The following BLM variants were observed in gnomAD, a reference collection of about 807,000 sequenced individuals.
BLM encodes the protein BLM RecQ like helicase.
A neutral mutation model predicts 135.3 loss-of-function variants in BLM; 95 were observed. That is an observed-to-expected ratio of 0.70 (90% CI 0.59 to 0.83). The LOEUF (loss-of-function observed/expected upper bound fraction) is 0.83. Among genes scored for constraint, BLM ranks in the 40% least tolerant of loss-of-function variants. BLM has a pLI of 0.00. For synonymous variants in BLM, 520 were observed against 589.2 expected (o/e 0.88, Z 1.70); for missense variants, 1,518 against 1,663.9 (o/e 0.91, Z 1.53).
At chr15:90,802,040 G>C (rs1401983590) in intron 17 of BLM, among the ~76,000 whole-genome samples, 2 of 151,956 alleles carry the variant, frequency 1.3e-5, no homozygotes, top group African/African-American at 2.4e-5. Context: ...CTGGGCAACA[G>C]AGCAAGACCC....
In BLM at chr15:90,785,007, G is replaced by A; in HGVS notation, c.2749G>A (p.Ala917Thr). 1 of 1,614,152 alleles carries A rather than the reference G, an allele frequency of 6.2e-7. No homozygotes were observed. The highest frequency in any genetic ancestry group is 8.5e-7 in the Non-Finnish European group (1 of 1,180,036). Reference sequence around the variant, plus strand: ...ACAGAGAGATGGGCTCGCTGCTCTTGCTTACCATGCTGGCCTCAGTGATTC... The same window carrying A: ...ACAGAGAGATGGGCTCGCTGCTCTTACTTACCATGCTGGCCTCAGTGATTC... ...TLQRDGLAAL[A>T]YHAGLSDSAR... The change falls in exon 14 of 22, where the codon GCT becomes ACT. Residue 917 changes from alanine to threonine, a missense_variant. Ala to Thr is a moderately conservative substitution (Grantham distance 58). This residue lies in a region of BLM where 626 missense variants were observed against 681.1 expected (regional missense o/e 0.92). Transcript: ENST00000355112.
At chr15:90,770,177 C>CCTT (rs1555420977) in intron 12 of BLM, among the ~76,000 whole-genome samples, 7 of 128,240 alleles carry the variant, frequency 5.5e-5, no homozygotes, top group Admixed American at 1.7e-4. Flanking sequence ...TCCCCCCCCC[C>CCTT]TTTTTTTTTT....
At chr15:90,774,238 A>G (rs936540191) in intron 12 of BLM, among the ~76,000 whole-genome samples, 1 of 150,474 alleles carries the variant, frequency 6.6e-6, no homozygotes. Context: ...GTATTTTTCT[A>G]ATTTTGTATT....
chr15:90,805,640 C>A (rs901003562), intron 19 of BLM, among the ~76,000 whole-genome samples: 1 of 151,102 alleles, frequency 6.6e-6, no homozygotes, highest in East Asian at 2.0e-4. Flanking sequence ...TACAAAAAAT[C>A]AGCCAGGTGT....
At chr15:90,726,916 A>G (rs1248101000) in intron 1 of BLM, among the ~76,000 whole-genome samples, 1 of 152,172 alleles carries the variant, frequency 6.6e-6, no homozygotes, top group Non-Finnish European at 1.5e-5. Flanking sequence ...TCTCTTTGAT[A>G]TACTGACATC....
In BLM at chr15:90,751,824, A is replaced by G. The variant is rs756158096; in HGVS notation, c.837A>G (p.Glu279=). Reference sequence around the variant, plus strand: ...AGAAGAAGAATTTGGAAGAAGCTGAATTACATTCAACTGAGAAAGTTCCAT... The same window carrying G: ...AGAAGAAGAATTTGGAAGAAGCTGAGTTACATTCAACTGAGAAAGTTCCAT... ...SEKKKNLEEA[E]LHSTEKVPCI... The change falls in exon 4 of 22, where the codon GAA becomes GAG. Residue 279 remains glutamate, a synonymous_variant. Transcript: ENST00000355112. 4 of 1,613,180 alleles carry G rather than the reference A, an allele frequency of 2.5e-6. No individual in the cohort carries two copies. In the South Asian group the frequency reaches 4.4e-5, roughly 18 times the overall value.
At chr15:90,731,787 C>G (rs1377181254) in intron 1 of BLM, among the ~76,000 whole-genome samples, 1 of 151,792 alleles carries the variant, frequency 6.6e-6, no homozygotes, top group African/African-American at 2.4e-5. Context: ...TATTATATAT[C>G]TATTATTTTT....
intron 1 of BLM, among the ~76,000 whole-genome samples, chr15:90,734,253 A>G (rs1053451887): frequency 1.3e-5 from 2 of 152,048 alleles, no homozygotes; most frequent in Non-Finnish European, 2.9e-5. Context: ...ACCAATATAT[A>G]GTAAAAACTC....
intron 1 of BLM, among the ~76,000 whole-genome samples, chr15:90,740,840 GCCTTTGCCCCT>G (rs1375872567): frequency 2.6e-5 from 4 of 152,170 alleles, no homozygotes; most frequent in Non-Finnish European, 5.9e-5. Context: ...TATAAGATGT[GCCTTTGCCCCT>G]CCTTTGCCTT....
At chr15:90,787,397 A>G (rs1048014767) in intron 14 of BLM, among the ~76,000 whole-genome samples, 1 of 152,098 alleles carries the variant, frequency 6.6e-6, no homozygotes, top group Non-Finnish European at 1.5e-5. Flanking sequence ...CCTTGGATAG[A>G]TCCCTCTAAA....
At chr15:90,794,770 G>T (rs991859077) in intron 16 of BLM, among the ~76,000 whole-genome samples, 3 of 147,540 alleles carry the variant, frequency 2.0e-5, no homozygotes, top group African/African-American at 7.5e-5. Context: ...TAAAATTGAC[G>T]TATTAATATT....
chr15:90,737,179 GT>G (rs35654593), intron 1 of BLM, among the ~76,000 whole-genome samples: 14,846 of 144,240 alleles, frequency 0.1, 2,054 homozygotes, highest in African/African-American at 0.32. Flanking sequence ...TTCTTAGTAG[GT>G]TTTTTTTTTT....
chr15:90,726,651 A>G (rs933640892), intron 1 of BLM, among the ~76,000 whole-genome samples: 2 of 152,194 alleles, frequency 1.3e-5, no homozygotes, highest in Non-Finnish European at 2.9e-5. Flanking sequence ...TATGAGAGCA[A>G]CGATTTTTAG....
intron 12 of BLM, among the ~76,000 whole-genome samples, chr15:90,775,599 C>T (rs1033260836): frequency 1.3e-5 from 2 of 151,810 alleles, no homozygotes; most frequent in African/African-American, 4.8e-5. Context: ...GCAATCTCCA[C>T]CTCCCGAGTT....
At chr15:90,806,844 A>G (rs1897296841) in intron 19 of BLM, among the ~76,000 whole-genome samples, 1 of 152,242 alleles carries the variant, frequency 6.6e-6, no homozygotes, top group South Asian at 2.1e-4. Flanking sequence ...TAAGATGCCA[A>G]CTATATTAAG....
intron 1 of BLM, among the ~76,000 whole-genome samples, chr15:90,733,152 C>A (rs1163336480): frequency 6.6e-6 from 1 of 151,794 alleles, no homozygotes; most frequent in African/African-American, 2.4e-5. Context: ...AATAAATTAG[C>A]CTAATAGAAA....
At chr15:90,796,567 G>A (rs1435169069) in intron 16 of BLM, among the ~76,000 whole-genome samples, 2 of 152,140 alleles carry the variant, frequency 1.3e-5, no homozygotes, top group Admixed American at 1.3e-4. Flanking sequence ...ACAAAAACAG[G>A]CATCCAGCTC....
intron 17 of BLM, among the ~76,000 whole-genome samples, chr15:90,801,846 A>G (rs537505617): frequency 3.9e-5 from 6 of 152,242 alleles, no homozygotes; most frequent in African/African-American, 1.2e-4. Context: ...GCTTGAGCCC[A>G]GGAGTTCAAG....
chr15:90,752,086 A>T, intron 4 of BLM, 140 bp downstream of exon 4: 2 of 827,478 alleles, frequency 2.4e-6, no homozygotes, highest in South Asian at 3.7e-5. Context: ...AGCCTCAAAA[A>T]AAAACCCTGT....
Sources: gnomAD v4.1 joint callset for allele counts (sites outside exome capture counted in the v4.1 genomes callset) on GRCh38, gnomAD v4.1.1 for gene constraint, gnomAD v4.1.1 regional missense constraint, MANE v1.5 for transcripts, NCBI Gene and HGNC (gene_info 2026-07-23, HGNC 2026-07-21) for gene names.